Variants in GPAM observed in about 807,000 individuals in gnomAD.
GPAM encodes the protein glycerol-3-phosphate acyltransferase 1, mitochondrial.
A neutral mutation model predicts 105.0 loss-of-function variants in GPAM; 56 were observed. The observed-to-expected ratio is 0.53, with a 90% CI of 0.43 to 0.67. The LOEUF is 0.67. GPAM is among the 30% of genes least tolerant of loss of function. The pLI is 0.00. For synonymous variants in GPAM, 368 were observed against 354.4 expected, an observed-to-expected ratio of 1.04 and a Z score of -0.43; for missense variants, 855 against 989.8, an observed-to-expected ratio of 0.86 and a Z score of 1.83.
intron 12 of GPAM, among the ~76,000 whole-genome samples, chr10:112,165,736 T>C (rs1276939754): frequency 6.6e-6 from 1 of 152,032 alleles, no homozygotes; most frequent in Non-Finnish European, 1.5e-5. Flanking sequence ...TTTGGAAAAA[T>C]TTCCCCTAAA....
intron 20 of GPAM, 30 bp from the exon 21 acceptor site, chr10:112,154,717 T>C: frequency 6.7e-7 from 1 of 1,484,686 alleles, no homozygotes; most frequent in Non-Finnish European, 9.4e-7. Context: ...CCCTGTCAAA[T>C]GGTTACGCTC....
Position 112,181,776 on chromosome 10 carries a change from T to C in GPAM, c.9A>G (p.Glu3=), listed in dbSNP as rs747778877. ...CTATTGTACCAAGGGTCAGTGCAGA[T>C]TCATCCATGTCACAAAGTGTAATTC... MD[E]SALTLGTIDV... is the part of the protein sequence containing the mutation. Residue 3 remains glutamate (E), a synonymous_variant, in exon 3 of 22, where the codon GAA becomes GAG. Coordinates refer to ENST00000348367, the MANE Select transcript of GPAM (RefSeq NM_001244949.2). The C allele has an allele frequency of 1.9e-6, 3 of 1,580,456 alleles. No homozygotes were observed. The highest frequency in any genetic ancestry group is 2.7e-5 in the African/African-American group (2 of 74,234).
In GPAM at chr10:112,193,899, T is replaced by A. The variant is rs747286388; in HGVS notation, n.211-11008A>T. 7.1e-4 allele frequency among the ~76,000 whole-genome samples: 108 copies of A among 152,330 alleles called. 1 individual carries two copies. The highest frequency in any genetic ancestry group is 1.2e-3 in the Non-Finnish European group (84 of 68,020). ...AAGAGGAAATGCTATTCCTTTGAGC[T>A]TGGATCCTCACAAAATTTGTCCTAA... On this transcript the variant is annotated intron_variant and non_coding_transcript_variant, in intron 1 of 3. Transcript: ENST00000480130.
At chr10:112,156,126 T>C (rs964197026) in intron 19 of GPAM, 73 bp from the exon 20 acceptor site, 2 of 1,028,296 alleles carry the variant, frequency 1.9e-6, no homozygotes, top group Admixed American at 1.9e-5. Flanking sequence ...ACAGAGGACT[T>C]TCTCTGGAGA....
chr10:112,163,855 T>C, intron 13 of GPAM, 39 bp from the exon 14 acceptor site: 1 of 901,336 alleles, frequency 1.1e-6, no homozygotes, highest in East Asian at 2.4e-5. Context: ...AACCGCACTC[T>C]TTTACAAGGC....
chr10:112,183,025 C>G (rs1847536006), intron 1 of GPAM, 134 bp from the exon 2 acceptor site: 1 of 152,294 alleles, frequency 6.6e-6, no homozygotes, highest in Non-Finnish European at 1.5e-5. Flanking sequence ...AAGCAATATC[C>G]CAGAGGCACC....
chr10:112,157,581 G>A (rs1022722198), intron 18 of GPAM, among the ~76,000 whole-genome samples, 192 bp from the exon 19 acceptor site: 3 of 152,122 alleles, frequency 2.0e-5, no homozygotes, highest in African/African-American at 7.2e-5. Context: ...AAAAGAAAGG[G>A]CAGGTGGGAG....
In GPAM at chr10:112,150,677, G is replaced by A. The variant is rs184906001; in HGVS notation, c.*2873C>T. 47 of 923,670 alleles carry A rather than the reference G, an allele frequency of 5.1e-5. No individual in the cohort carries two copies. In the African/African-American group the frequency reaches 7.5e-4, roughly 15 times the overall value. 57.2% of individuals were successfully genotyped at this position (923,670 alleles called of 1,614,324 possible). A position where few individuals can be genotyped will look rare whatever the true frequency, so the allele number is the denominator to read the frequency against. ...AAATAGTTTGGGCAATGCTGGGTTA[G>A]ACAGTTTTTCACTACCGGATGCCAA... On this transcript the variant is annotated 3_prime_UTR_variant, in exon 22 of 22. Coordinates refer to ENST00000348367, the MANE Select transcript of GPAM (RefSeq NM_001244949.2).
intron 20 of GPAM, 128 bp from the exon 21 acceptor site, chr10:112,154,815 G>A (rs1303733234): frequency 3.9e-6 from 3 of 771,348 alleles, no homozygotes; most frequent in Non-Finnish European, 6.7e-6. Flanking sequence ...CAAGGGTGGG[G>A]CCCCACTTCC....
chr10:112,153,834 G>T, intron 21 of GPAM, 168 bp from the exon 22 acceptor site: 2 of 660,410 alleles, frequency 3.0e-6, no homozygotes, highest in South Asian at 1.9e-5. Context: ...AGCATGAGGT[G>T]GGAGTTTCCA....
chr10:112,177,871 CAT>C, intron 5 of GPAM, 111 bp downstream of exon 5: 1 of 668,662 alleles, frequency 1.5e-6, no homozygotes. Context: ...GTCAGAAACT[CAT>C]ATTCTATTCA....
At chr10:112,184,479 C>A (rs1445823305), upstream of GPAM, among the ~76,000 whole-genome samples, 9 of 152,084 alleles carry the variant, frequency 5.9e-5, no homozygotes, top group Admixed American at 5.9e-4. Context: ...GATTTGTACC[C>A]CCTAAATATA....
upstream of GPAM, among the ~76,000 whole-genome samples, chr10:112,188,040 C>A (rs1330887834): frequency 6.6e-6 from 1 of 151,894 alleles, no homozygotes; most frequent in Non-Finnish European, 1.5e-5. Context: ...GCAGCTAAAA[C>A]AGTACTTAGA....
chr10:112,182,308 C>T (rs915019724), intron 2 of GPAM, among the ~76,000 whole-genome samples: 20 of 152,052 alleles, frequency 1.3e-4, no homozygotes, highest in African/African-American at 4.6e-4. Context: ...CTTAAGTTCC[C>T]GTACTTAAAT....
At chr10:112,165,224 A>G (rs1313383308) in intron 12 of GPAM, among the ~76,000 whole-genome samples, 1 of 151,940 alleles carries the variant, frequency 6.6e-6, no homozygotes, top group Non-Finnish European at 1.5e-5. Flanking sequence ...TTCTGTACCC[A>G]TTTTTCTCCT....
chr10:112,155,890 C>G lies in GPAM; in HGVS notation c.2285G>C (p.Arg762Thr), dbSNP rs1467295471. 5.6e-6 allele frequency: 9 copies of G among 1,597,914 alleles called. No individual in the cohort carries two copies. Among genetic ancestry groups the G allele is most frequent in the Non-Finnish European group, 6.9e-6 (8 of 1,166,800 alleles). ...LQKLHKYLIT[R>T]TERNVAVYAE... ...ATATACTGCAACATTTCTTTCTGTT[C>G]TGGTTATTAGGTATTTGTGCAACTT... The change falls in exon 20 of 22, where the codon AGA becomes ACA. Residue 762 changes from arginine (R) to threonine (T), a missense_variant. By Grantham distance (71) the Arg-to-Thr change is moderately conservative. Coordinates refer to ENST00000348367, the MANE Select transcript of GPAM (RefSeq NM_001244949.2).
chr10:112,221,585 G>A, the GPAM span, among the ~76,000 whole-genome samples: 9 of 152,132 alleles, frequency 5.9e-5, no homozygotes, highest in Non-Finnish European at 1.3e-4. Flanking sequence ...TATAAGATAA[G>A]GCATTTAAGT....
chr10:112,158,034 G>A (rs953749750), intron 18 of GPAM, among the ~76,000 whole-genome samples: 4 of 152,156 alleles, frequency 2.6e-5, no homozygotes, highest in Admixed American at 1.3e-4. Context: ...CCACCACTCC[G>A]ATTCTTGTGC....
In GPAM at chr10:112,157,244, A is replaced by G. The variant is rs748374213; in HGVS notation, c.2121+5T>C. The G allele has an allele frequency of 6.2e-7, 1 of 1,612,652 alleles. No homozygotes were observed. The highest frequency in any genetic ancestry group is 8.5e-7 in the Non-Finnish European group (1 of 1,178,676). On this transcript the variant is annotated splice_donor_5th_base_variant and intron_variant, in intron 19 of 21. Transcript: ENST00000348367. Reference sequence around the variant, plus strand: ...AATATCCACCAGAATTCTTCACCCAAGTACCTTCAGGTAGCAATCTCGCTG... The same window carrying G: ...AATATCCACCAGAATTCTTCACCCAGGTACCTTCAGGTAGCAATCTCGCTG...
Sources: gnomAD v4.1 joint callset for allele counts (sites outside exome capture counted in the v4.1 genomes callset) on GRCh38, gnomAD v4.1.1 for gene constraint, MANE v1.5 for transcripts, NCBI Gene and HGNC (gene_info 2026-07-23, HGNC 2026-07-21) for gene names.